The following TM7SF2 variants were observed in gnomAD, a reference collection of about 807,000 sequenced individuals.
The protein encoded by TM7SF2 is transmembrane 7 superfamily member 2, also known as delta(14)-sterol reductase TM7SF2.
In TM7SF2, 51 loss-of-function variants were observed where a neutral mutation model predicts 51.0. That is an observed-to-expected ratio of 1.00 (90% confidence interval 0.80 to 1.26). The LOEUF is 1.26. TM7SF2 is among the 50% of genes most tolerant of loss of function. The pLI, the probability that TM7SF2 is intolerant of heterozygous loss-of-function variation, is 0.00. For missense variants in TM7SF2, 541 were observed against 547.4 expected, an observed-to-expected ratio of 0.99 and a Z score of 0.12; for synonymous variants, 255 against 241.0, an observed-to-expected ratio of 1.06 and a Z score of -0.54.
chr11:65,115,914 ACTT>A lies in TM7SF2; in HGVS notation c.1121_1123del (p.Phe374del), dbSNP rs1184557259. ...ACAGGGGTGTCACACCTGCTGCCCTACTTCTACCTCCTCTACTTCACCGCGCTG... is the reference window on the plus strand; with the variant it reads ...ACAGGGGTGTCACACCTGCTGCCCTACTACCTCCTCTACTTCACCGCGCTG... On this transcript the variant is annotated inframe_deletion, in exon 10 of 10. Transcript: ENST00000279263. 6.2e-7 allele frequency: 1 copy of A among 1,614,078 alleles called. No individual in the cohort carries two copies. The highest frequency in any genetic ancestry group is 1.3e-5 in the African/African-American group (1 of 75,026).
Position 65,112,522 on chromosome 11 carries a change from G to A in TM7SF2, c.60G>A (p.Ala20=), listed in dbSNP as rs1203056634. The change falls in exon 2 of 10, where the codon GCG becomes GCA. Residue 20 remains alanine, a synonymous_variant. Transcript: ENST00000279263. ...TGATGGCCCTTCCCGCAGGCGCCGC[G>A]GCTCTGCTACTGCTGCTGCCCGCCA... ...PLEFGGPLGA[A]ALLLLLPATM... is the part of the protein sequence containing the mutation. 3 of 1,524,264 alleles carry A rather than the reference G, an allele frequency of 2.0e-6. No individual in the cohort carries two copies. Among genetic ancestry groups the A allele is most frequent in the East Asian group, 2.6e-5 (1 of 37,844 alleles). 94.4% of individuals were successfully genotyped at this position (1,524,264 alleles called of 1,614,324 possible).
At position 65,113,480 on chromosome 11, in the gene TM7SF2, A is replaced by G. The variant is rs745435748; in HGVS notation, c.500-11A>G. On this transcript the variant is annotated splice_polypyrimidine_tract_variant and intron_variant, in intron 4 of 9. Transcript: ENST00000279263. Reference sequence around the variant, plus strand: ...CGTCTGCCTGTACATTCACTCTCCAATATTCTCCAGGCAATCCGATTTACG... The same window carrying G: ...CGTCTGCCTGTACATTCACTCTCCAGTATTCTCCAGGCAATCCGATTTACG... The G allele has an allele frequency of 1.1e-5, 17 of 1,614,002 alleles. No homozygotes were observed. Among genetic ancestry groups the G allele is most frequent in the South Asian group, 9.9e-5 (9 of 91,092 alleles).
chr11:65,113,967 T>C (rs894920289), intron 5 of TM7SF2, among the ~76,000 whole-genome samples: 3 of 152,164 alleles, frequency 2.0e-5, no homozygotes, highest in Non-Finnish European at 1.5e-5. Flanking sequence ...GAACCTGAAA[T>C]TGATCGCTGG....
At chr11:65,112,353 G>T in intron 1 of TM7SF2, 162 bp from the exon 2 acceptor site, 1 of 825,374 alleles carries the variant, frequency 1.2e-6, no homozygotes, top group Non-Finnish European at 1.8e-6. Flanking sequence ...AAGGGAACTG[G>T]GAGGCAGCGG....
At chr11:65,115,627 G>C in intron 9 of TM7SF2, 29 bp downstream of exon 9, 1 of 1,612,552 alleles carries the variant, frequency 6.2e-7, no homozygotes, top group Non-Finnish European at 8.5e-7. Flanking sequence ...TATGGGTAGG[G>C]ACATGTGAGG....
In TM7SF2 at chr11:65,112,860, T is replaced by C. The variant is rs1947927130; in HGVS notation, c.299T>C (p.Ile100Thr). 1 of 1,550,634 alleles carries C rather than the reference T, an allele frequency of 6.4e-7. No individual in the cohort carries two copies. The highest frequency in any genetic ancestry group is 8.7e-7 in the Non-Finnish European group (1 of 1,147,112). Residue 100 changes from isoleucine (I) to threonine (T), a missense_variant, in exon 3 of 10, where the codon ATT (isoleucine) becomes ACT (threonine). Ile to Thr is a moderately conservative substitution (Grantham distance 89, BLOSUM62 -1). Transcript: ENST00000279263. ...LKDKSRLRYPINGFQALVLTA... is the reference protein window; with the variant it reads ...LKDKSRLRYPTNGFQALVLTA... ...GACAAGAGTCGCCTGCGCTATCCTATTAACGGTGCCTAGGGGACGGGCCCT... is the reference window on the plus strand; with the variant it reads ...GACAAGAGTCGCCTGCGCTATCCTACTAACGGTGCCTAGGGGACGGGCCCT...
At chr11:65,115,430 GC>G (rs1472451662) in intron 8 of TM7SF2, 36 bp downstream of exon 8, 7 of 1,614,168 alleles carry the variant, frequency 4.3e-6, no homozygotes, top group Non-Finnish European at 5.9e-6. Flanking sequence ...GTGAGGTGGG[GC>G]AGCTGGGCTT....
At chr11:65,114,423 G>GA (rs1328651570) in intron 5 of TM7SF2, among the ~76,000 whole-genome samples, 1 of 152,206 alleles carries the variant, frequency 6.6e-6, no homozygotes, top group Non-Finnish European at 1.5e-5. Context: ...AGGGGTGGGG[G>GA]AAAGTAGGCT....
intron 9 of TM7SF2, 116 bp downstream of exon 9, chr11:65,115,714 G>A (rs1421369064): frequency 2.5e-6 from 4 of 1,590,090 alleles, no homozygotes; most frequent in African/African-American, 2.7e-5. Flanking sequence ...GCTGGGGGTG[G>A]ACCCAGTGTG....
Position 65,115,906 on chromosome 11 carries a change from G to T in TM7SF2, c.1110G>T (p.Leu370=). 6.2e-7 allele frequency: 1 copy of T among 1,614,086 alleles called. No homozygotes were observed. The highest frequency in any genetic ancestry group is 8.5e-7 in the Non-Finnish European group (1 of 1,180,008). ...AWSLPCGVSH[L]LPYFYLLYFT... is the part of the protein sequence containing the mutation. ...CCTTCTCTACAGGGGTGTCACACCT[G>T]CTGCCCTACTTCTACCTCCTCTACT... The change falls in exon 10 of 10, where the codon CTG becomes CTT. Residue 370 remains leucine, a synonymous_variant. Coordinates refer to ENST00000279263, the MANE Select transcript of TM7SF2 (RefSeq NM_003273.6).
rs201108253 is a variant in TM7SF2 at position 65,114,768 on chromosome 11, C to T, written c.659C>T (p.Ser220Leu). ...GAGGCAGAGCTTCGAGGCAGTCCCT[C>T]ACTGGCCATGTGGCTGGTCAATGGC... ...MKEAELRGSP[S>L]LAMWLVNGFQ... Residue 220 changes from serine (S) to leucine (L), a missense_variant, in exon 6 of 10, where the codon TCA (serine) becomes TTA (leucine). Physicochemically the swap from Ser to Leu is moderately radical, Grantham distance 145. Coordinates refer to ENST00000279263, the MANE Select transcript of TM7SF2 (RefSeq NM_003273.6). The T allele has an allele frequency of 1.9e-6, 3 of 1,614,258 alleles. No individual in the cohort carries two copies. The African/African-American group carries it at 4.0e-5, about 22-fold the overall frequency.
At position 65,114,699 on chromosome 11, in the gene TM7SF2, T is replaced by C; in HGVS notation, c.604-14T>C. 4 of 1,613,252 alleles carry C rather than the reference T, an allele frequency of 2.5e-6. No homozygotes were observed. The highest frequency in any genetic ancestry group is 3.4e-6 in the Non-Finnish European group (4 of 1,179,550). ...CACTTCTGTGGAGACTATTGCCTTG[T>C]TCCCTCTCCCCAGGTCCTCATCAAC... On this transcript the variant is annotated splice_polypyrimidine_tract_variant and intron_variant, in intron 5 of 9. Coordinates refer to ENST00000279263, the MANE Select transcript of TM7SF2 (RefSeq NM_003273.6).
rs754750047 is a variant in TM7SF2 at position 65,113,332 on chromosome 11, C to G, written c.417C>G (p.Leu139=). ...MLLPLAFVAT[L]TAFIFSLFLY... is the part of the protein sequence containing the mutation. ...TGCCCTTGGCGTTTGTCGCCACCCT[C>G]ACCGCTTTCATCTTCAGCCTCTTTC... The change falls in exon 4 of 10, where the codon CTC becomes CTG. Residue 139 remains leucine, a synonymous_variant. Coordinates refer to ENST00000279263, the MANE Select transcript of TM7SF2 (RefSeq NM_003273.6). 2.0e-5 allele frequency: 32 copies of G among 1,613,838 alleles called. No homozygotes were observed.
At chr11:65,115,769 C>T in intron 9 of TM7SF2, 124 bp from the exon 10 acceptor site, 1 of 1,574,566 alleles carries the variant, frequency 6.4e-7, no homozygotes, top group South Asian at 1.1e-5. Flanking sequence ...GTGTGCTTTG[C>T]TGCAGACCCT....
intron 7 of TM7SF2, 70 bp from the exon 8 acceptor site, chr11:65,115,244 G>A: frequency 1.3e-6 from 2 of 1,598,620 alleles, no homozygotes; most frequent in South Asian, 1.1e-5. Context: ...GACAAGTTGG[G>A]CAGATGTTCG....
At position 65,114,921 on chromosome 11, in the gene TM7SF2, C is replaced by G. The variant is rs760444560; in HGVS notation, c.732C>G (p.Val244=). 6.2e-7 allele frequency: 1 copy of G among 1,614,052 alleles called. No individual in the cohort carries two copies. The highest frequency in any genetic ancestry group is 8.5e-7 in the Non-Finnish European group (1 of 1,180,026). Residue 244 remains valine, a synonymous_variant, in exon 7 of 10, where the codon GTC becomes GTG. Transcript: ENST00000279263. ...GGGTCTTGTCCCTGCAGGAGGCCGT[C>G]CTCACCACCATGGATATCACACATG... ...VGDALWHEEA[V]LTTMDITHDG... is the part of the protein sequence containing the mutation.
In TM7SF2 at chr11:65,116,056, C is replaced by T. The variant is rs752313771; in HGVS notation, c.*3C>T. 3.7e-6 allele frequency: 6 copies of T among 1,601,684 alleles called. No individual in the cohort carries two copies. Among genetic ancestry groups the T allele is most frequent in the East Asian group, 2.2e-5 (1 of 44,754 alleles). Reference sequence around the variant, plus strand: ...GCATCATGCCCTACATCTACTGAAGCGGCTCCACCACCCCAGGTGGGGGCA... The same window carrying T: ...GCATCATGCCCTACATCTACTGAAGTGGCTCCACCACCCCAGGTGGGGGCA... On this transcript the variant is annotated 3_prime_UTR_variant, in exon 10 of 10. Transcript: ENST00000279263.
chr11:65,113,812 T>C lies in TM7SF2; in HGVS notation c.603+218T>C, dbSNP rs371006665. On this transcript the variant is annotated intron_variant, in intron 5 of 9. Transcript: ENST00000279263. Reference sequence around the variant, plus strand: ...TTGCTGCAGAGAGCCTACATTCTGGTGGGAAAGACAGAAAAAAATAAGTAA... The same window carrying C: ...TTGCTGCAGAGAGCCTACATTCTGGCGGGAAAGACAGAAAAAAATAAGTAA... 250 of 590,958 alleles carry C rather than the reference T, an allele frequency of 4.2e-4. No homozygotes were observed. The African/African-American group carries it at 4.2e-3, about 10-fold the overall frequency. 36.6% of individuals were successfully genotyped at this position (590,958 alleles called of 1,614,324 possible). A position where few individuals can be genotyped will look rare whatever the true frequency, so the allele number is the denominator to read the frequency against.
chr11:65,114,698 G>A lies in TM7SF2; in HGVS notation c.604-15G>A, dbSNP rs544170554. 15 of 1,612,976 alleles carry A rather than the reference G, an allele frequency of 9.3e-6. No individual in the cohort carries two copies. Among genetic ancestry groups the A allele is most frequent in the Non-Finnish European group, 1.2e-5 (14 of 1,179,502 alleles). On this transcript the variant is annotated splice_polypyrimidine_tract_variant and intron_variant, in intron 5 of 9. Coordinates refer to ENST00000279263, the MANE Select transcript of TM7SF2 (RefSeq NM_003273.6). ...CCACTTCTGTGGAGACTATTGCCTT[G>A]TTCCCTCTCCCCAGGTCCTCATCAA...
Sources: allele counts gnomAD v4.1 joint callset (sites outside exome capture counted in the v4.1 genomes callset), GRCh38; gene constraint gnomAD v4.1.1; transcripts MANE v1.5; gene names NCBI Gene and HGNC (gene_info 2026-07-23, HGNC 2026-07-21).